ADGRB1: variants seen among roughly 807,000 people sequenced by gnomAD.
ADGRB1 encodes the protein adhesion G protein-coupled receptor B1, also known as brain-specific angiogenesis inhibitor 1.
In ADGRB1, 36 loss-of-function variants were observed where a neutral mutation model predicts 175.7. That is an observed-to-expected ratio of 0.20 (90% CI 0.16 to 0.27). The LOEUF is 0.27. Ranked by LOEUF, ADGRB1 falls within the 10% of genes least tolerant of loss-of-function variation. The probability of loss-of-function intolerance (pLI) is 1.00; values close to 1 mark genes in which losing one functional copy is unlikely to be tolerated. For missense variants in ADGRB1, 1,731 were observed against 2,255.3 expected (o/e 0.77, Z 4.71); for synonymous variants, 1,054 against 979.4 (o/e 1.08, Z -1.42).
Position 142,542,797 on chromosome 8 carries a change from T to C in ADGRB1, c.4413+150T>C. On this transcript the variant is annotated intron_variant, in intron 28 of 30. Coordinates refer to ENST00000517894, the MANE Select transcript of ADGRB1 (RefSeq NM_001702.3). This position sits in a 1 kb window ranked among gnomAD's most constrained non-coding sequence, Gnocchi z 6.3. ...ACCCCCCACCCCTGGCCCTGCTGGGTGTGCTGTGTATGTCTGACGTGTGGT... is the reference window on the plus strand; with the variant it reads ...ACCCCCCACCCCTGGCCCTGCTGGGCGTGCTGTGTATGTCTGACGTGTGGT... 1.3e-6 allele frequency: 1 copy of C among 748,640 alleles called. No homozygotes were observed. Among genetic ancestry groups the C allele is most frequent in the Non-Finnish European group, 2.1e-6 (1 of 486,254 alleles). 46.4% of individuals were successfully genotyped at this position (748,640 alleles called of 1,614,324 possible).
Position 142,479,681 on chromosome 8 carries a change from G to C in ADGRB1, c.1727-12G>C, listed in dbSNP as rs200526233. The C allele has an allele frequency of 1.2e-6, 2 of 1,611,658 alleles. No individual in the cohort carries two copies. Among genetic ancestry groups the C allele is most frequent in the Non-Finnish European group, 1.7e-6 (2 of 1,178,428 alleles). ...ACCCCTTCCTGAACCCCTGTCCCGG[G>C]CCCCTTGGCAGAGCCCCATGAGATC... On this transcript the variant is annotated splice_polypyrimidine_tract_variant and intron_variant, in intron 8 of 30. Coordinates refer to ENST00000517894, the MANE Select transcript of ADGRB1 (RefSeq NM_001702.3).
At position 142,455,853 on chromosome 8, in the gene ADGRB1, G is replaced by C. The variant is rs1471081747; in HGVS notation, c.-220+5749G>C. Among the ~76,000 whole-genome samples, 2 of 152,176 alleles carry C rather than the reference G, an allele frequency of 1.3e-5. No individual in the cohort carries two copies. Among genetic ancestry groups the C allele is most frequent in the Non-Finnish European group, 2.9e-5 (2 of 68,032 alleles). On this transcript the variant is annotated intron_variant, in intron 1 of 30. Transcript: ENST00000517894. The surrounding 1 kb of genome is among the most constrained non-coding windows in gnomAD (Gnocchi z 4.9). ...CGACCACCGGGCCCTGGGGGCACAC[G>C]GTTGGTCTTTGGGCCAGCACCTCTC...
At chr8:142,489,502 A>G (rs1841882627) in intron 16 of ADGRB1, 64 bp downstream of exon 16, 5 of 1,537,478 alleles carry the variant, frequency 3.3e-6, no homozygotes, top group East Asian at 2.3e-5. Flanking sequence ...ATTCTGTCCC[A>G]CTCCTCAGCC....
intron 1 of ADGRB1, among the ~76,000 whole-genome samples, chr8:142,454,496 G>T (rs1388470416): frequency 6.6e-6 from 1 of 152,196 alleles, no homozygotes; most frequent in African/African-American, 2.4e-5. Context: ...ACACGCAGAG[G>T]GGAAGGAGCG....
rs1474946421 is a variant in ADGRB1, at chr8:142,464,377, T to C, written c.179T>C (p.Val60Ala). The change falls in exon 2 of 31, where the codon GTG (valine) becomes GCG (alanine). Residue 60 changes from valine to alanine, a missense_variant. By Grantham distance (64) the Val-to-Ala change is moderately conservative (BLOSUM62 0). Transcript: ENST00000517894. Reference sequence around the variant, plus strand: ...TTCGGCTACTTCTCCGCGGCCGCCGTGTTCCCGGCCAACGCCTCGCGCTGC... The same window carrying C: ...TTCGGCTACTTCTCCGCGGCCGCCGCGTTCCCGGCCAACGCCTCGCGCTGC... ...KFFGYFSAAA[V>A]FPANASRCSW... 2.6e-6 allele frequency: 4 copies of C among 1,524,266 alleles called. No homozygotes were observed. Among genetic ancestry groups the C allele is most frequent in the Admixed American group, 4.1e-5 (2 of 49,128 alleles). The allele number at this position is 1,524,266 out of a possible 1,614,324, so 94.4% of individuals were successfully genotyped here.
Position 142,510,916 on chromosome 8 carries a change from T to TGCCC in ADGRB1, c.2676-16_2676-15insGCCC. 1.0e-4 allele frequency: 100 copies of TGCCC among 969,400 alleles called. No individual in the cohort carries two copies. Among genetic ancestry groups the TGCCC allele is most frequent in the East Asian group, 1.4e-4 (2 of 14,762 alleles). The allele number at this position is 969,400 out of a possible 1,614,324, so 60.0% of individuals were successfully genotyped here. On this transcript the variant is annotated splice_polypyrimidine_tract_variant and intron_variant, in intron 17 of 30. Transcript: ENST00000517894. This position sits in a 1 kb window ranked among gnomAD's most constrained non-coding sequence, Gnocchi z 6.3. Reference sequence around the variant, plus strand: ...ACGCTCCGCCTGTCTCCCTCCCGTGTCCCGCCCGCCCCCAGACCCTCCTCC... The same window carrying TGCCC: ...ACGCTCCGCCTGTCTCCCTCCCGTGTGCCCCCCGCCCGCCCCCAGACCCTCCTCC...
intron 2 of ADGRB1, among the ~76,000 whole-genome samples, chr8:142,470,099 G>A (rs935510446): frequency 4.6e-5 from 7 of 152,122 alleles, no homozygotes; most frequent in Admixed American, 6.5e-5. Context: ...CACGTCACGC[G>A]TCAGACTCTG....
intron 24 of ADGRB1, among the ~76,000 whole-genome samples, chr8:142,530,155 C>CTG (rs1240681139): frequency 1.3e-5 from 2 of 151,752 alleles, no homozygotes; most frequent in African/African-American, 4.8e-5. Context: ...GGGCATGTGC[C>CTG]TGTGTGTGCG....
At position 142,510,807 on chromosome 8, in the gene ADGRB1, G is replaced by A; in HGVS notation, c.2676-125G>A. ...GGACGGGCGCGCGGCTGCGGGCGCA[G>A]GTGCGGGGCGGCGGGCCGGGGCCGG... On this transcript the variant is annotated intron_variant, in intron 17 of 30. Transcript: ENST00000517894. This position sits in a 1 kb window ranked among gnomAD's most constrained non-coding sequence, Gnocchi z 6.3. The A allele has an allele frequency of 3.1e-6, 1 of 326,536 alleles. No individual in the cohort carries two copies. Among genetic ancestry groups the A allele is most frequent in the Non-Finnish European group, 4.3e-6 (1 of 231,596 alleles). The allele number at this position is 326,536 out of a possible 1,614,324, so 20.2% of individuals were successfully genotyped here.
intron 21 of ADGRB1, 136 bp downstream of exon 21, chr8:142,522,251 C>T (rs765469460): frequency 2.7e-4 from 328 of 1,232,168 alleles, no homozygotes; most frequent in Non-Finnish European, 3.5e-4. Context: ...GGGCTTCCCC[C>T]TCTGGGCCCT....
rs1177395471 is a variant in ADGRB1 at position 142,510,692 on chromosome 8, C to T, written c.2676-240C>T. Reference sequence around the variant, plus strand: ...TCGGCTCCCCCGCCCGGCGCTCCCTCGGGCTGCGCTCCGCGGCTCTCGGCG... The same window carrying T: ...TCGGCTCCCCCGCCCGGCGCTCCCTTGGGCTGCGCTCCGCGGCTCTCGGCG... On this transcript the variant is annotated intron_variant, in intron 17 of 30. Transcript: ENST00000517894. The surrounding 1 kb of genome is among the most constrained non-coding windows in gnomAD (Gnocchi z 6.3). Among the ~76,000 whole-genome samples, 1 of 145,586 alleles carries T rather than the reference C, an allele frequency of 6.9e-6. No homozygotes were observed. Among genetic ancestry groups the T allele is most frequent in the South Asian group, 2.1e-4 (1 of 4,774 alleles).
chr8:142,522,263 G>T, intron 21 of ADGRB1, 148 bp downstream of exon 21: 1 of 1,143,530 alleles, frequency 8.7e-7, no homozygotes, highest in African/African-American at 1.6e-5. Context: ...CTGGGCCCTC[G>T]TTCTTCCATG....
chr8:142,510,943 C>A lies in ADGRB1; in HGVS notation c.2687C>A (p.Ser896Tyr). Residue 896 changes from serine (S) to tyrosine (Y), a missense_variant, in exon 18 of 31, where the codon TCC becomes TAC. Physicochemically the swap from Ser to Tyr is moderately radical, Grantham distance 144 (BLOSUM62 -2). Around this residue, in one of 8 missense-constraint regions of ADGRB1, gnomAD observed 77 missense variants for 71.6 expected, o/e 1.08. Transcript: ENST00000517894. The surrounding 1 kb of genome is among the most constrained non-coding windows in gnomAD (Gnocchi z 6.3). ...CCGCCCGCCCCCAGACCCTCCTCCTCCGCCCCCCCGCAGCTCGGGCCCTGG... is the reference window on the plus strand; with the variant it reads ...CCGCCCGCCCCCAGACCCTCCTCCTACGCCCCCCCGCAGCTCGGGCCCTGG... ...LWDETDVPSS[S>Y]APPQLGPWSW... 7.9e-7 allele frequency: 1 copy of A among 1,260,210 alleles called. No individual in the cohort carries two copies. 78.1% of individuals were successfully genotyped at this position (1,260,210 alleles called of 1,614,324 possible).
At chr8:142,532,552 C>G (rs1173418238) in intron 24 of ADGRB1, among the ~76,000 whole-genome samples, 1 of 152,124 alleles carries the variant, frequency 6.6e-6, no homozygotes, top group Non-Finnish European at 1.5e-5. Context: ...CGGAGCTGGC[C>G]CACGAAGAGG....
In ADGRB1 at chr8:142,543,058, A is replaced by G. The variant is rs1563757728; in HGVS notation, c.4414-345A>G. Reference sequence around the variant, plus strand: ...CGTCCCCACAGGATATGCTCCCACCATATCCTGGCTCCTGGCCTCTGGTGA... The same window carrying G: ...CGTCCCCACAGGATATGCTCCCACCGTATCCTGGCTCCTGGCCTCTGGTGA... On this transcript the variant is annotated intron_variant, in intron 28 of 30. Coordinates refer to ENST00000517894, the MANE Select transcript of ADGRB1 (RefSeq NM_001702.3). The surrounding 1 kb of genome is among the most constrained non-coding windows in gnomAD (Gnocchi z 4.4). Among the ~76,000 whole-genome samples, 1 of 152,168 alleles carries G rather than the reference A, an allele frequency of 6.6e-6. No homozygotes were observed. Among genetic ancestry groups the G allele is most frequent in the Non-Finnish European group, 1.5e-5 (1 of 68,006 alleles).
rs1168260573 is a variant in ADGRB1 at position 142,455,424 on chromosome 8, G to A, written c.-220+5320G>A. ...TCTCTGGGGCTTGGTCAGGGGAAGG[G>A]CACGACAGAAGTCCTCTCTGCAGCT... On this transcript the variant is annotated intron_variant, in intron 1 of 30. Transcript: ENST00000517894. This position sits in a 1 kb window ranked among gnomAD's most constrained non-coding sequence, Gnocchi z 4.9. Among the ~76,000 whole-genome samples the A allele has an allele frequency of 6.6e-6, 1 of 152,108 alleles. No individual in the cohort carries two copies. The highest frequency in any genetic ancestry group is 2.4e-5 in the African/African-American group (1 of 41,422).
intron 1 of ADGRB1, among the ~76,000 whole-genome samples, chr8:142,452,855 G>T (rs1839437231): frequency 6.6e-6 from 1 of 150,804 alleles, no homozygotes; most frequent in East Asian, 1.9e-4. Flanking sequence ...GGCCCAGGCG[G>T]CCGGCGCGGG....
At chr8:142,470,116 C>T (rs1350865087) in intron 2 of ADGRB1, among the ~76,000 whole-genome samples, 2 of 152,200 alleles carry the variant, frequency 1.3e-5, no homozygotes, top group Non-Finnish European at 2.9e-5. Context: ...TCTGCAAACA[C>T]TCCTCAGGCC....
chr8:142,533,071 G>T (rs905037629), intron 24 of ADGRB1, among the ~76,000 whole-genome samples: 6 of 152,112 alleles, frequency 3.9e-5, no homozygotes, highest in African/African-American at 1.4e-4. Flanking sequence ...GGACAGGATT[G>T]GGGGAGTCCT....
Sources: allele counts gnomAD v4.1 joint callset (sites outside exome capture counted in the v4.1 genomes callset), GRCh38; gene constraint gnomAD v4.1.1; regional missense constraint gnomAD v4.1.1; non-coding constraint Gnocchi (gnomAD v3.1); transcripts MANE v1.5; gene names NCBI Gene and HGNC (gene_info 2026-07-23, HGNC 2026-07-21).